Variants in NRP1 observed in about 807,000 individuals in gnomAD.
NRP1 encodes neuropilin 1.
In NRP1, 35 loss-of-function variants were observed where a neutral mutation model predicts 106.7. The ratio of observed to expected loss-of-function variants is 0.33; its 90% CI spans 0.25 to 0.43. The LOEUF (loss-of-function observed/expected upper bound fraction) is 0.43, where lower values mean the gene tolerates loss of function less well. Among genes scored for constraint, NRP1 ranks in the 20% least tolerant of loss-of-function variants. The pLI is 1.00. For synonymous variants in NRP1, 437 were observed against 417.9 expected (o/e 1.05, Z -0.56); for missense variants, 1,024 against 1,170.4 (o/e 0.87, Z 1.83).
At chr10:33,314,375 A>G (rs1053577821) in intron 2 of NRP1, among the ~76,000 whole-genome samples, 2 of 152,228 alleles carry the variant, frequency 1.3e-5, no homozygotes, top group African/African-American at 4.8e-5. Flanking sequence ...CACTGTGTCC[A>G]GCGTCATGTA....
chr10:33,325,119 T>G (rs1207967233), intron 2 of NRP1, among the ~76,000 whole-genome samples: 1 of 152,218 alleles, frequency 6.6e-6, no homozygotes, highest in Non-Finnish European at 1.5e-5. Context: ...GTATCCACCT[T>G]GCAAAATTTT....
intron 15 of NRP1, 64 bp downstream of exon 15, chr10:33,185,564 C>G (rs564217980): frequency 1.1e-5 from 14 of 1,236,814 alleles, no homozygotes; most frequent in African/African-American, 1.0e-4. Context: ...CAAAGACCAT[C>G]ATATTGGCAA....
At chr10:33,201,102 G>C (rs1837269076) in intron 11 of NRP1, 1 of 152,128 alleles carries the variant, frequency 6.6e-6, no homozygotes. Flanking sequence ...AAACACTGTA[G>C]GTAAAGCAAA....
chr10:33,263,839 A>C lies in NRP1; in HGVS notation c.465T>G (p.Ser155Arg), dbSNP rs559961807. The change falls in exon 4 of 17, where the codon AGT becomes AGG. Residue 155 changes from serine to arginine, a missense_variant. Transcript: ENST00000374867. ...PECSQNYTTP[S>R]GVIKSPGFPE... is the part of the protein sequence containing the mutation. ...GGAATCCGGGGGACTTTATCACTCC[A>C]CTAGGTGTTGTGTAGTTCTGGGAAC... 6.2e-7 allele frequency: 1 copy of C among 1,613,580 alleles called. No homozygotes were observed. Among genetic ancestry groups the C allele is most frequent in the South Asian group, 1.1e-5 (1 of 91,048 alleles).
intron 8 of NRP1, among the ~76,000 whole-genome samples, chr10:33,215,043 GAT>G (rs1422258093): frequency 1.3e-5 from 2 of 152,168 alleles, no homozygotes; most frequent in South Asian, 2.1e-4. Flanking sequence ...ATAGAAAAGA[GAT>G]ATCTTTTGAA....
intron 11 of NRP1, among the ~76,000 whole-genome samples, chr10:33,198,458 A>G (rs561820429): frequency 2.0e-5 from 3 of 152,176 alleles, no homozygotes; most frequent in Admixed American, 6.6e-5. Context: ...TTTCAAGTAG[A>G]CAACGTATCC....
At position 33,179,744 on chromosome 10, in the gene NRP1, CA is replaced by C; in HGVS notation, c.*331del. 4.0e-6 allele frequency: 1 copy of C among 250,456 alleles called. No individual in the cohort carries two copies. Among genetic ancestry groups the C allele is most frequent in the Non-Finnish European group, 7.7e-6 (1 of 129,890 alleles). The allele number at this position is 250,456 out of a possible 1,614,324, so 15.5% of individuals were successfully genotyped here. On this transcript the variant is annotated 3_prime_UTR_variant, in exon 17 of 17. Coordinates refer to ENST00000374867, the MANE Select transcript of NRP1 (RefSeq NM_003873.7). ...AGCATCTTGGATTTCGCTCAGTTTC[CA>C]AAAAGAATCCACAAAGGGGAGAGGA... is the stretch of plus-strand genomic sequence containing the variant.
intron 2 of NRP1, among the ~76,000 whole-genome samples, chr10:33,283,867 G>A (rs907979380): frequency 1.3e-5 from 2 of 152,192 alleles, no homozygotes; most frequent in African/African-American, 4.8e-5. Flanking sequence ...ACCACACAAA[G>A]GTGCAGCTTG....
At chr10:33,332,096 A>G (rs1263127144) in intron 1 of NRP1, among the ~76,000 whole-genome samples, 1 of 152,204 alleles carries the variant, frequency 6.6e-6, no homozygotes, top group Admixed American at 6.5e-5. Flanking sequence ...AGTGCACATC[A>G]AAAATGCATA....
In NRP1 at chr10:33,213,721, G is replaced by T; in HGVS notation, c.1283-4C>A. ...AACATTCCAGAGCAAGGATAATCTG[G>T]GAAGTGAAATGAAACAGATAATGTA... On this transcript the variant is annotated splice_polypyrimidine_tract_variant and splice_region_variant and intron_variant, in intron 8 of 16. Transcript: ENST00000374867. The T allele has an allele frequency of 6.4e-7, 1 of 1,565,568 alleles. No individual in the cohort carries two copies. Among genetic ancestry groups the T allele is most frequent in the Non-Finnish European group, 8.7e-7 (1 of 1,154,542 alleles).
chr10:33,277,536 C>T (rs1049869216), intron 2 of NRP1, among the ~76,000 whole-genome samples: 17 of 152,246 alleles, frequency 1.1e-4, no homozygotes, highest in Non-Finnish European at 2.2e-4. Context: ...GCCCAGCTTC[C>T]GAGGAGCTAT....
chr10:33,213,444 T>A lies in NRP1; in HGVS notation c.1556A>T (p.Tyr519Phe), dbSNP rs1475173245. 1 of 1,614,042 alleles carries A rather than the reference T, an allele frequency of 6.2e-7. No individual in the cohort carries two copies. Among genetic ancestry groups the A allele is most frequent in the Non-Finnish European group, 8.5e-7 (1 of 1,180,006 alleles). ...CTTCCAGTCCGAGCCGTTGTTGCTG[T>A]ACCCGATCTTGAACTTCCTCATGAA... ...KVFMRKFKIG[Y>F]SNNGSDWKMI... The change falls in exon 9 of 17, where the codon TAC (tyrosine) becomes TTC (phenylalanine). Residue 519 changes from tyrosine to phenylalanine, a missense_variant. Tyr to Phe is a conservative substitution (Grantham distance 22). Coordinates refer to ENST00000374867, the MANE Select transcript of NRP1 (RefSeq NM_003873.7).
At chr10:33,322,780 G>A (rs951393661) in intron 2 of NRP1, among the ~76,000 whole-genome samples, 2 of 152,198 alleles carry the variant, frequency 1.3e-5, no homozygotes, top group Non-Finnish European at 2.9e-5. Flanking sequence ...CAAAAATTAA[G>A]TCCTTCCTCA....
At chr10:33,208,794 ATTGT>A (rs1564383131) in intron 9 of NRP1, among the ~76,000 whole-genome samples, 9 of 151,792 alleles carry the variant, frequency 5.9e-5, no homozygotes, top group African/African-American at 1.9e-4. Context: ...AAGTTCCTCA[ATTGT>A]TTATATAGAA....
intron 3 of NRP1, 134 bp from the exon 4 acceptor site, chr10:33,264,007 AGT>A (rs1407252955): frequency 1.6e-6 from 1 of 631,250 alleles, no homozygotes; most frequent in Admixed American, 2.7e-5. Flanking sequence ...ATCATGTATT[AGT>A]CAGCCTTTTC....
At chr10:33,256,916 A>C (rs1281486789) in intron 4 of NRP1, among the ~76,000 whole-genome samples, 1 of 152,104 alleles carries the variant, frequency 6.6e-6, no homozygotes, top group Non-Finnish European at 1.5e-5. Flanking sequence ...GGGGATGCTG[A>C]TGTCCAGGGA....
chr10:33,325,343 A>T (rs11009343), intron 2 of NRP1, among the ~76,000 whole-genome samples: 17,501 of 152,200 alleles, frequency 0.11, 1,237 homozygotes, highest in East Asian at 0.28. Context: ...AAAGCCAAAA[A>T]CTCAGTGATT....
intron 1 of NRP1, among the ~76,000 whole-genome samples, chr10:33,331,923 G>A (rs1848313051): frequency 6.6e-6 from 1 of 152,114 alleles, no homozygotes; most frequent in South Asian, 2.1e-4. Flanking sequence ...AAATATATAA[G>A]CCTATCAATC....
At chr10:33,226,076 A>G (rs1839640225) in intron 7 of NRP1, 58 bp downstream of exon 7, 5 of 1,567,890 alleles carry the variant, frequency 3.2e-6, no homozygotes, top group Non-Finnish European at 4.4e-6. Flanking sequence ...CAAACAAGTA[A>G]AAATTGATCA....
Sources: allele counts gnomAD v4.1 joint callset (sites outside exome capture counted in the v4.1 genomes callset), GRCh38; gene constraint gnomAD v4.1.1; transcripts MANE v1.5; gene names NCBI Gene and HGNC (gene_info 2026-07-23, HGNC 2026-07-21).